The following PRUNE2 variants were observed in gnomAD, a reference collection of about 807,000 sequenced individuals.
The protein encoded by PRUNE2 is protein prune homolog 2.
PRUNE2 carries 164 observed loss-of-function variants against 252.0 expected under a neutral mutation model. That is an observed-to-expected ratio of 0.65 (90% confidence interval 0.57 to 0.74). PRUNE2 has a LOEUF of 0.74. PRUNE2 is among the 30% of genes least tolerant of loss of function. The probability of loss-of-function intolerance (pLI) is 0.00; values close to 1 mark genes in which losing one functional copy is unlikely to be tolerated. For synonymous variants in PRUNE2, 1,292 were observed against 1,350.2 expected (o/e 0.96, Z 0.94); for missense variants, 3,495 against 3,711.0 (o/e 0.94, Z 1.51).
intron 17 of PRUNE2, among the ~76,000 whole-genome samples, chr9:76,620,969 C>T (rs1434265993): frequency 2.6e-5 from 4 of 152,126 alleles, no homozygotes; most frequent in Non-Finnish European, 5.9e-5. Context: ...ACTTTCTTTC[C>T]TGTATACAGC....
intron 6 of PRUNE2, chr9:76,783,888 G>GT (rs1410095830): frequency 6.6e-6 from 1 of 152,126 alleles, no homozygotes; most frequent in African/African-American, 2.4e-5. Flanking sequence ...AAGCACAGAG[G>GT]TAAGTGCTTT....
At chr9:76,826,918 T>C (rs561570503) in intron 4 of PRUNE2, among the ~76,000 whole-genome samples, 186 bp from the exon 5 acceptor site, 1 of 152,314 alleles carries the variant, frequency 6.6e-6, no homozygotes, top group South Asian at 2.1e-4. Flanking sequence ...TCATCCAGCT[T>C]CATTATTCTC....
At chr9:76,834,990 G>T (rs1010575458) in intron 4 of PRUNE2, among the ~76,000 whole-genome samples, 4 of 152,148 alleles carry the variant, frequency 2.6e-5, no homozygotes, top group African/African-American at 9.7e-5. Flanking sequence ...AATCCATAAG[G>T]ACGTACCCCA....
At chr9:76,772,738 A>AT (rs1225226578) in intron 6 of PRUNE2, among the ~76,000 whole-genome samples, 1 of 151,954 alleles carries the variant, frequency 6.6e-6, no homozygotes, top group Non-Finnish European at 1.5e-5. Flanking sequence ...TAATTGTTTA[A>AT]TTTTTTGTAG....
At chr9:76,616,983 A>C (rs938577322) in intron 18 of PRUNE2, among the ~76,000 whole-genome samples, 20 of 151,372 alleles carry the variant, frequency 1.3e-4, no homozygotes, top group Non-Finnish European at 2.7e-4. Flanking sequence ...TAAATACATA[A>C]ATAAATAAAT....
intron 1 of PRUNE2, among the ~76,000 whole-genome samples, chr9:76,869,607 C>G (rs1371136053): frequency 6.6e-6 from 1 of 152,136 alleles, no homozygotes; most frequent in Admixed American, 6.5e-5. Context: ...AAAGTAAATG[C>G]AGATGCAGCA....
At chr9:76,673,152 G>A (rs1445173023) in intron 9 of PRUNE2, among the ~76,000 whole-genome samples, 8 of 151,988 alleles carry the variant, frequency 5.3e-5, no homozygotes, top group South Asian at 2.1e-4. Flanking sequence ...TTGATAGACC[G>A]CTAGCAAGAC....
intron 6 of PRUNE2, chr9:76,736,650 A>T (rs1172795447): frequency 6.6e-6 from 1 of 152,208 alleles, no homozygotes; most frequent in Non-Finnish European, 1.5e-5. Context: ...TTATAAGGGC[A>T]ATAATCCCAC....
At chr9:76,877,483 A>G (rs2061538993) in intron 1 of PRUNE2, among the ~76,000 whole-genome samples, 1 of 151,542 alleles carries the variant, frequency 6.6e-6, no homozygotes, top group Non-Finnish European at 1.5e-5. Flanking sequence ...ACAGAGTGAG[A>G]CCCTGTCTCA....
At chr9:76,878,668 T>C (rs553916766) in intron 1 of PRUNE2, among the ~76,000 whole-genome samples, 8 of 152,316 alleles carry the variant, frequency 5.3e-5, no homozygotes, top group Middle Eastern at 3.4e-3. Context: ...CCTGGGTTAA[T>C]TGGTTTTGTG....
intron 6 of PRUNE2, among the ~76,000 whole-genome samples, chr9:76,783,005 C>G (rs1296415560): frequency 6.6e-6 from 1 of 152,200 alleles, no homozygotes; most frequent in Non-Finnish European, 1.5e-5. Flanking sequence ...TGTTACGTGT[C>G]ATTTTCCTTA....
intron 6 of PRUNE2, among the ~76,000 whole-genome samples, chr9:76,741,492 A>T (rs1337542679): frequency 6.6e-6 from 1 of 152,252 alleles, no homozygotes; most frequent in African/African-American, 2.4e-5. Context: ...AAAGCAAATA[A>T]GCTAGGAATC....
rs869289049 is a variant in PRUNE2, at chr9:76,774,450, C to CTTTTTTTTTTTTTTTTTTTTTT, written c.756+49160_756+49181dup. Among the ~76,000 whole-genome samples the CTTTTTTTTTTTTTTTTTTTTTT allele has an allele frequency of 7.7e-4, 32 of 41,358 alleles. 1 individual carries two copies. Among genetic ancestry groups the CTTTTTTTTTTTTTTTTTTTTTT allele is most frequent in the Non-Finnish European group, 1.1e-3 (27 of 25,676 alleles). The allele number at this position is 41,358 out of a possible 152,430, so 27.1% of individuals were successfully genotyped here. Reference sequence around the variant, plus strand: ...ATCGTTCCTGGCCTCCAGTTCAACCCTTTTTTTTTTTTTTTTTTTTTTTTT... The same window carrying CTTTTTTTTTTTTTTTTTTTTTT: ...ATCGTTCCTGGCCTCCAGTTCAACCCTTTTTTTTTTTTTTTTTTTTTTTTTTTTTTTTTTTTTTTTTTTTTTT... On this transcript the variant is annotated intron_variant, in intron 6 of 18. Coordinates refer to ENST00000376718, the MANE Select transcript of PRUNE2 (RefSeq NM_015225.3).
intron 6 of PRUNE2, among the ~76,000 whole-genome samples, chr9:76,779,185 T>C (rs2054109881): frequency 6.6e-6 from 1 of 151,784 alleles, no homozygotes; most frequent in Non-Finnish European, 1.5e-5. Context: ...TGCTTTAAAA[T>C]ATGCAGAAGA....
Position 76,826,744 on chromosome 9 carries a change from GAA to G in PRUNE2, c.509-14_509-13del. ...GAAAAGAATGCTACCTGAAAGGTAT[GAA>G]TAAAAATGCTCTTAAAGCTTTCCAG... On this transcript the variant is annotated splice_polypyrimidine_tract_variant and intron_variant, in intron 4 of 18. Coordinates refer to ENST00000376718, the MANE Select transcript of PRUNE2 (RefSeq NM_015225.3). The G allele has an allele frequency of 6.3e-7, 1 of 1,581,838 alleles. No individual in the cohort carries two copies. The highest frequency in any genetic ancestry group is 8.6e-7 in the Non-Finnish European group (1 of 1,160,856).
intron 6 of PRUNE2, among the ~76,000 whole-genome samples, chr9:76,718,280 T>G (rs1175828992): frequency 6.6e-6 from 1 of 152,210 alleles, no homozygotes; most frequent in Non-Finnish European, 1.5e-5. Context: ...ATGTAAAGAA[T>G]GTCTTGTAAA....
intron 6 of PRUNE2, among the ~76,000 whole-genome samples, chr9:76,766,749 G>T (rs2052437605): frequency 7.2e-6 from 1 of 139,106 alleles, no homozygotes. Flanking sequence ...AGCCTGAAAT[G>T]TACAATCCCC....
chr9:76,746,314 C>G (rs1040248771), intron 6 of PRUNE2, among the ~76,000 whole-genome samples: 3 of 152,164 alleles, frequency 2.0e-5, no homozygotes, highest in African/African-American at 7.2e-5. Context: ...AGCCTCACCC[C>G]CCAACCTCGG....
intron 9 of PRUNE2, among the ~76,000 whole-genome samples, chr9:76,686,442 T>C (rs939340633): frequency 1.3e-5 from 2 of 152,088 alleles, no homozygotes; most frequent in African/African-American, 4.8e-5. Flanking sequence ...AGACAGGAGC[T>C]CTTTTGTTTT....
Sources: allele counts gnomAD v4.1 joint callset (sites outside exome capture counted in the v4.1 genomes callset), GRCh38; gene constraint gnomAD v4.1.1; transcripts MANE v1.5; gene names NCBI Gene and HGNC (gene_info 2026-07-23, HGNC 2026-07-21).